GPC5: variants seen among roughly 807,000 people sequenced by gnomAD.
GPC5 encodes glypican 5.
Under a neutral mutation model 53.9 loss-of-function variants are expected in GPC5, and 47 were observed. The observed-to-expected ratio is 0.87, with a 90% CI of 0.69 to 1.11. The LOEUF (loss-of-function observed/expected upper bound fraction) is 1.11. Ranked by LOEUF, GPC5 falls within the 50% of genes most tolerant of loss-of-function variation. GPC5 has a pLI of 0.00. For synonymous variants in GPC5, 286 were observed against 263.3 expected (o/e 1.09, Z -0.84); for missense variants, 748 against 713.1 (o/e 1.05, Z -0.56).
Position 91,726,837 on chromosome 13 carries a change from T to C in GPC5, c.1021-1695T>C, listed in dbSNP as rs559851254. On this transcript the variant is annotated intron_variant, in intron 3 of 7. Transcript: ENST00000377067. ...CATCTGCACAGCTGCTGTGATGAGT[T>C]TTCTCATGTGGAAATCTGAAGCAGC... is the stretch of plus-strand genomic sequence containing the variant. Among the ~76,000 whole-genome samples the C allele has an allele frequency of 2.6e-5, 4 of 152,346 alleles. No homozygotes were observed. The South Asian group carries it at 8.3e-4, about 32-fold the overall frequency.
At chr13:92,545,411 T>A (rs1016431700) in intron 7 of GPC5, among the ~76,000 whole-genome samples, 4 of 152,232 alleles carry the variant, frequency 2.6e-5, no homozygotes, top group African/African-American at 9.6e-5. Context: ...GCAGCATGTT[T>A]TATAATCCTT....
At chr13:92,781,779 A>G (rs1386563500) in intron 7 of GPC5, among the ~76,000 whole-genome samples, 1 of 152,216 alleles carries the variant, frequency 6.6e-6, no homozygotes, top group African/African-American at 2.4e-5. Flanking sequence ...GCATTTAAAA[A>G]TATTTGCAAA....
intron 7 of GPC5, among the ~76,000 whole-genome samples, chr13:92,325,246 T>C (rs1220611408): frequency 6.6e-6 from 1 of 152,004 alleles, no homozygotes; most frequent in East Asian, 1.9e-4. Context: ...TAAGTGGATA[T>C]AGAAAGTTAC....
chr13:92,582,082 T>A (rs1184438666), intron 7 of GPC5, among the ~76,000 whole-genome samples: 2 of 152,156 alleles, frequency 1.3e-5, no homozygotes, highest in African/African-American at 4.8e-5. Context: ...TATTTTTGCT[T>A]TGTACTTTTG....
At chr13:92,592,086 C>T (rs181891405) in intron 7 of GPC5, among the ~76,000 whole-genome samples, 8 of 152,288 alleles carry the variant, frequency 5.3e-5, no homozygotes, top group Non-Finnish European at 1.0e-4. Flanking sequence ...TCTTCTATAT[C>T]GATTTATGAA....
chr13:92,023,926 T>C (rs1056105735), intron 6 of GPC5, among the ~76,000 whole-genome samples: 1 of 152,084 alleles, frequency 6.6e-6, no homozygotes, highest in African/African-American at 2.4e-5. Flanking sequence ...TTGTGAATTG[T>C]TTTAAAAATT....
intron 7 of GPC5, among the ~76,000 whole-genome samples, chr13:92,191,286 C>A (rs1049592035): frequency 1.3e-5 from 2 of 152,070 alleles, no homozygotes; most frequent in African/African-American, 4.8e-5. Context: ...ACATGTTCAA[C>A]ATCATATGTC....
chr13:92,764,737 C>T lies in GPC5; in HGVS notation c.1562-101545C>T, dbSNP rs192203561. ...AGTGCTCTCTTTTGGTTATTTTCAT[C>T]GAAATGTAATTATTTATTCATGGTT... On this transcript the variant is annotated intron_variant, in intron 7 of 7. Transcript: ENST00000377067. Among the ~76,000 whole-genome samples the T allele has an allele frequency of 1.3e-4, 20 of 152,068 alleles. No individual in the cohort carries two copies. In the East Asian group the frequency reaches 2.3e-3, roughly 18 times the overall value.
intron 2 of GPC5, among the ~76,000 whole-genome samples, chr13:91,577,804 C>T (rs879273932): frequency 6.6e-6 from 1 of 152,216 alleles, no homozygotes; most frequent in African/African-American, 2.4e-5. Context: ...TCTCCTGACA[C>T]CTCTTACCCT....
chr13:91,439,872 A>G (rs987505665), intron 1 of GPC5, among the ~76,000 whole-genome samples: 2 of 152,198 alleles, frequency 1.3e-5, no homozygotes, highest in African/African-American at 4.8e-5. Context: ...AATTTTAAGA[A>G]ACAAATAAAA....
At chr13:92,196,518 A>G (rs775771790) in intron 7 of GPC5, among the ~76,000 whole-genome samples, 7 of 152,182 alleles carry the variant, frequency 4.6e-5, no homozygotes, top group Admixed American at 1.3e-4. Flanking sequence ...CCTAGAATAT[A>G]ATTACTGTCA....
At chr13:91,478,816 TATATATAC>T (rs1292114887) in intron 2 of GPC5, among the ~76,000 whole-genome samples, 5 of 118,666 alleles carry the variant, frequency 4.2e-5, no homozygotes, top group South Asian at 2.5e-4. Flanking sequence ...TATATATATA[TATATATAC>T]ACACACACAC....
intron 7 of GPC5, among the ~76,000 whole-genome samples, chr13:92,280,000 A>T (rs1441255034): frequency 1.3e-5 from 2 of 152,078 alleles, no homozygotes; most frequent in African/African-American, 4.8e-5. Flanking sequence ...TTCTTTAAAT[A>T]TTTGATAGAA....
At chr13:92,214,929 G>A (rs1278013753) in intron 7 of GPC5, among the ~76,000 whole-genome samples, 2 of 152,162 alleles carry the variant, frequency 1.3e-5, no homozygotes, top group Non-Finnish European at 2.9e-5. Flanking sequence ...AGGAATGTGA[G>A]AAGCTGGACA....
At chr13:92,128,778 C>A (rs1452165619) in intron 6 of GPC5, among the ~76,000 whole-genome samples, 2 of 152,148 alleles carry the variant, frequency 1.3e-5, no homozygotes, top group Non-Finnish European at 2.9e-5. Flanking sequence ...TCCTGGCCAA[C>A]ATGGTGAAAC....
At chr13:92,280,908 A>C (rs946727485) in intron 7 of GPC5, among the ~76,000 whole-genome samples, 2 of 152,102 alleles carry the variant, frequency 1.3e-5, no homozygotes, top group African/African-American at 4.8e-5. Flanking sequence ...GGGCAGGACA[A>C]TGGGTGCAGC....
At chr13:92,717,056 C>G (rs1329132772) in intron 7 of GPC5, among the ~76,000 whole-genome samples, 1 of 151,476 alleles carries the variant, frequency 6.6e-6, no homozygotes, top group Non-Finnish European at 1.5e-5. Context: ...TTCGAATTCA[C>G]TCCAAATCTG....
At chr13:92,439,908 G>C (rs1877476668) in intron 7 of GPC5, among the ~76,000 whole-genome samples, 1 of 151,048 alleles carries the variant, frequency 6.6e-6, no homozygotes, top group Admixed American at 6.6e-5. Flanking sequence ...TTTCCCTCTA[G>C]AAGGGAATGG....
intron 7 of GPC5, among the ~76,000 whole-genome samples, chr13:92,820,933 C>T (rs943025330): frequency 6.6e-6 from 1 of 152,122 alleles, no homozygotes; most frequent in African/African-American, 2.4e-5. Flanking sequence ...TGCCTAAGAT[C>T]AGAAAAGCAG....
Sources: gnomAD v4.1 joint callset for allele counts (sites outside exome capture counted in the v4.1 genomes callset) on GRCh38, gnomAD v4.1.1 for gene constraint, MANE v1.5 for transcripts, NCBI Gene and HGNC (gene_info 2026-07-23, HGNC 2026-07-21) for gene names.